ARHGAP22: variants seen among roughly 807,000 people sequenced by gnomAD.
ARHGAP22 encodes Rho GTPase activating protein 22, also known as rho GTPase-activating protein 22.
In ARHGAP22, 48 loss-of-function variants were observed where a neutral mutation model predicts 59.1. That is an observed-to-expected ratio of 0.81 (90% confidence interval 0.64 to 1.03). The LOEUF is 1.03. Ranked by LOEUF, ARHGAP22 falls within the 50% of genes least tolerant of loss-of-function variation. The pLI is 0.00. For missense variants in ARHGAP22, 1,015 were observed against 958.7 expected (o/e 1.06, Z -0.78); for synonymous variants, 445 against 416.4 (o/e 1.07, Z -0.84).
intron 1 of ARHGAP22, among the ~76,000 whole-genome samples, chr10:48,596,708 C>G (rs1287234542): frequency 1.3e-5 from 2 of 152,256 alleles, no homozygotes; most frequent in African/African-American, 2.4e-5. Flanking sequence ...CCTGTTGGAC[C>G]TCTTCCAACT....
chr10:48,600,373 G>A (rs1299835348), intron 1 of ARHGAP22, among the ~76,000 whole-genome samples: 18 of 152,184 alleles, frequency 1.2e-4, no homozygotes, highest in Admixed American at 1.1e-3. Context: ...GAGCCAGGGT[G>A]ACTGGGAAGA....
At chr10:48,462,110 A>C (rs1409177149) in intron 4 of ARHGAP22, among the ~76,000 whole-genome samples, 1 of 152,152 alleles carries the variant, frequency 6.6e-6, no homozygotes, top group Non-Finnish European at 1.5e-5. Flanking sequence ...TTTAGGGAGA[A>C]GTGTGTACGC....
rs764575493 is a variant in ARHGAP22 at position 48,454,139 on chromosome 10, T to C, written c.815A>G (p.Gln272Arg). ...ATTTGCCTGAGGAAGGTTGCTCACT[T>C]GTTTAGCCAACTCCAGAGTGCCCTT... is the stretch of plus-strand genomic sequence containing the variant. ...EGEGTLELAK[Q>R]VSNLPQANYN... Residue 272 changes from glutamine to arginine, a missense_variant, in exon 7 of 10, where the codon CAA (glutamine) becomes CGA (arginine). Coordinates refer to ENST00000249601, the MANE Select transcript of ARHGAP22 (RefSeq NM_021226.4). 1.8e-5 allele frequency: 29 copies of C among 1,614,040 alleles called. No homozygotes were observed. In the Middle Eastern group the frequency reaches 1.5e-3, roughly 83 times the overall value.
At position 48,485,485 on chromosome 10, in the gene ARHGAP22, G is replaced by C. The variant is rs57302419; in HGVS notation, c.323-5721C>G. Among the ~76,000 whole-genome samples the C allele has an allele frequency of 1.0e-3, 159 of 152,242 alleles. 1 individual carries two copies. Among genetic ancestry groups the C allele is most frequent in the African/African-American group, 3.6e-3 (150 of 41,540 alleles). ...AAAATTATTCTGCTGTGGTTGGGTG[G>C]AGTGTCCTATAAATGTCAATTTGGT... On this transcript the variant is annotated intron_variant, in intron 3 of 9. Coordinates refer to ENST00000249601, the MANE Select transcript of ARHGAP22 (RefSeq NM_021226.4).
chr10:48,466,488 G>GCCGGTCCCAGCTT (rs2047702538), intron 4 of ARHGAP22: 1 of 151,224 alleles, frequency 6.6e-6, no homozygotes. Flanking sequence ...CGCCCGCTGC[G>GCCGGTCCCAGCTT]CCGGTCCCAG....
the ARHGAP22 span, chr10:48,437,588 C>G: frequency 6.6e-6 from 1 of 152,128 alleles, no homozygotes; most frequent in Admixed American, 6.5e-5. Context: ...CTAATATATA[C>G]TGGCCATTTG....
intron 1 of ARHGAP22, among the ~76,000 whole-genome samples, chr10:48,641,140 GA>G (rs2062027705): frequency 6.6e-6 from 1 of 151,950 alleles, no homozygotes; most frequent in African/African-American, 2.4e-5. Context: ...TGGTATACTA[GA>G]AAATATCTAT....
chr10:48,459,256 A>C (rs1204961636), intron 5 of ARHGAP22, among the ~76,000 whole-genome samples: 1 of 152,082 alleles, frequency 6.6e-6, no homozygotes, highest in Non-Finnish European at 1.5e-5. Flanking sequence ...CAGAACCCAA[A>C]AGGAGGGGAG....
In ARHGAP22 at chr10:48,591,470, T is replaced by A. The variant is rs60236086; in HGVS notation, c.35-8318A>T. ...ATGCAATGGGAGAGAGAGGAAATAC[T>A]AATAACTACCAGCATGTATGGGTAT... On this transcript the variant is annotated intron_variant, in intron 1 of 9. Transcript: ENST00000249601. Among the ~76,000 whole-genome samples, 784 of 152,258 alleles carry A rather than the reference T, an allele frequency of 5.1e-3. 6 individuals carry two copies. Among genetic ancestry groups the A allele is most frequent in the African/African-American group, 0.018 (740 of 41,546 alleles).
At chr10:48,446,706 G>A in intron 9 of ARHGAP22, 87 bp from the exon 10 acceptor site, 1 of 1,361,184 alleles carries the variant, frequency 7.3e-7, no homozygotes, top group Non-Finnish European at 1.0e-6. Context: ...CTCACTGTGG[G>A]TTGAGGGGTC....
intron 3 of ARHGAP22, among the ~76,000 whole-genome samples, chr10:48,480,364 G>C (rs2049177174): frequency 6.6e-6 from 1 of 152,202 alleles, no homozygotes; most frequent in South Asian, 2.1e-4. Flanking sequence ...AGTTGCTTGT[G>C]AACTGACTTT....
intron 1 of ARHGAP22, among the ~76,000 whole-genome samples, chr10:48,587,587 T>C (rs1228589059): frequency 1.3e-5 from 2 of 152,212 alleles, no homozygotes; most frequent in East Asian, 3.8e-4. Flanking sequence ...GTCTCCACTG[T>C]CTATTCTTGA....
chr10:48,462,898 A>T (rs965617257), intron 4 of ARHGAP22, among the ~76,000 whole-genome samples: 1 of 152,148 alleles, frequency 6.6e-6, no homozygotes, highest in Non-Finnish European at 1.5e-5. Flanking sequence ...CCACCATCCC[A>T]AGAGTGGCCT....
rs149653282 is a variant in ARHGAP22, at chr10:48,568,442, G to A, written c.235-12892C>T. Among the ~76,000 whole-genome samples the A allele has an allele frequency of 2.0e-3, 300 of 152,326 alleles. 2 individuals are homozygous for A. Among genetic ancestry groups the A allele is most frequent in the Middle Eastern group, 6.8e-3 (2 of 294 alleles). On this transcript the variant is annotated intron_variant, in intron 2 of 9. Transcript: ENST00000249601. ...TGAAGTACCTGGTGTTCCATGTAGA[G>A]GGGCTAAGGGGGAAACTCAGATGAG...
At chr10:48,450,135 C>T in intron 9 of ARHGAP22, 126 bp downstream of exon 9, 1 of 1,349,948 alleles carries the variant, frequency 7.4e-7, no homozygotes, top group Non-Finnish European at 1.0e-6. Context: ...CTAGGATTCC[C>T]CTCTCTGAGG....
At chr10:48,462,219 G>GTGTGTGCA (rs2133825289) in intron 4 of ARHGAP22, among the ~76,000 whole-genome samples, 1 of 139,088 alleles carries the variant, frequency 7.2e-6, no homozygotes, top group African/African-American at 2.6e-5. Context: ...TTGTGGGCTT[G>GTGTGTGCA]TGTGTGCATG....
chr10:48,550,018 CA>C (rs2056776254), intron 3 of ARHGAP22, among the ~76,000 whole-genome samples: 1 of 152,224 alleles, frequency 6.6e-6, no homozygotes, highest in African/African-American at 2.4e-5. Flanking sequence ...ACATTAAATT[CA>C]GTTACCTATG....
intron 3 of ARHGAP22, among the ~76,000 whole-genome samples, chr10:48,531,971 C>T (rs2054894045): frequency 6.6e-6 from 1 of 152,204 alleles, no homozygotes; most frequent in African/African-American, 2.4e-5. Context: ...ATGTCTGTCT[C>T]CTGCCAGCCC....
At chr10:48,505,115 A>G (rs2051961380) in intron 3 of ARHGAP22, among the ~76,000 whole-genome samples, 1 of 152,156 alleles carries the variant, frequency 6.6e-6, no homozygotes, top group African/African-American at 2.4e-5. Context: ...ATGCAGTGGC[A>G]CAATCTCGGC....
Sources: gnomAD v4.1 joint callset for allele counts (sites outside exome capture counted in the v4.1 genomes callset) on GRCh38, gnomAD v4.1.1 for gene constraint, MANE v1.5 for transcripts, NCBI Gene and HGNC (gene_info 2026-07-23, HGNC 2026-07-21) for gene names.